TEP1: variants seen among roughly 807,000 people sequenced by gnomAD.
The protein encoded by TEP1 is telomerase associated protein 1.
TEP1 carries 241 observed loss-of-function variants against 306.3 expected under a neutral mutation model. The observed-to-expected ratio is 0.79, with a 90% CI of 0.71 to 0.88. TEP1 has a LOEUF of 0.88. Among genes scored for constraint, TEP1 ranks in the 40% least tolerant of loss-of-function variants. TEP1 has a pLI of 0.00. For missense variants in TEP1, 3,051 were observed against 3,276.1 expected (o/e 0.93, Z 1.68); for synonymous variants, 1,289 against 1,305.5 (o/e 0.99, Z 0.27).
rs28552679 is a variant in TEP1, at chr14:20,376,353, G to A, written c.6089-89C>T. 84 of 1,382,376 alleles carry A rather than the reference G, an allele frequency of 6.1e-5. No individual in the cohort carries two copies. In the African/African-American group the frequency reaches 1.1e-3, roughly 19 times the overall value. 85.6% of individuals were successfully genotyped at this position (1,382,376 alleles called of 1,614,324 possible). A position where few individuals can be genotyped will look rare whatever the true frequency, so the allele number is the denominator to read the frequency against. ...GCCAAAGACAGGAGCGGCCATGGGG[G>A]CTGAGGGTGACACCTGAGGCTCAGC... is the stretch of plus-strand genomic sequence containing the variant. On this transcript the variant is annotated intron_variant, in intron 41 of 54. Coordinates refer to ENST00000262715, the MANE Select transcript of TEP1 (RefSeq NM_007110.5).
At chr14:20,409,821 CCATCCTGGCTAA>C (rs1272940607) in intron 1 of TEP1, among the ~76,000 whole-genome samples, 1 of 151,818 alleles carries the variant, frequency 6.6e-6, no homozygotes, top group African/African-American at 2.4e-5. Flanking sequence ...GAGATCGAGA[CCATCCTGGCTAA>C]CACAGTGAAA....
At chr14:20,411,233 A>T (rs530483758) in intron 1 of TEP1, among the ~76,000 whole-genome samples, 1 of 152,258 alleles carries the variant, frequency 6.6e-6, no homozygotes, top group East Asian at 1.9e-4. Context: ...ACCTCCCAGC[A>T]TCATCTCTCA....
rs898263318 is a variant in TEP1 at position 20,389,805 on chromosome 14, T to C, written c.2335-65A>G. ...CTAGACAGCCCAGGACATTAAGATA[T>C]GAGCTTTCTGAGGACAGGAGGATTA... On this transcript the variant is annotated intron_variant, in intron 15 of 54. Coordinates refer to ENST00000262715, the MANE Select transcript of TEP1 (RefSeq NM_007110.5). The C allele has an allele frequency of 8.9e-5, 141 of 1,589,438 alleles. 1 individual carries two copies. In the South Asian group the frequency reaches 1.5e-3, roughly 17 times the overall value.
rs1884731224 is a variant in TEP1, at chr14:20,369,924, T to TTTTTC, written c.7318-146_7318-145insGAAAA. On this transcript the variant is annotated intron_variant, in intron 51 of 54. Coordinates refer to ENST00000262715, the MANE Select transcript of TEP1 (RefSeq NM_007110.5). ...GATACAATCAAGTGCGCAAATTTTT[T>TTTTTC]TTTTTTTGAGACGGAGTCTCACTCT... 12 of 626,230 alleles carry TTTTTC rather than the reference T, an allele frequency of 1.9e-5. 1 individual carries two copies. The highest frequency in any genetic ancestry group is 4.3e-4 in the Middle Eastern group (1 of 2,306). The allele number at this position is 626,230 out of a possible 1,614,324, so 38.8% of individuals were successfully genotyped here.
Position 20,369,530 on chromosome 14 carries a change from C to G in TEP1, c.7470G>C (p.Leu2490=), listed in dbSNP as rs765310231. The change falls in exon 53 of 55, where the codon CTG becomes CTC. Residue 2490 remains leucine, a synonymous_variant. Transcript: ENST00000262715. ...CASSDGILWN[L]AKCSPEGEWT... The stretch of plus-strand genomic sequence containing the variant: ...ATTCTCCTTCTGGGCTGCATTTGGC[C>G]AGGTTCCATAGGATCCCATCAGAGC... 6.2e-7 allele frequency: 1 copy of G among 1,614,078 alleles called. No individual in the cohort carries two copies. Among genetic ancestry groups the G allele is most frequent in the South Asian group, 1.1e-5 (1 of 91,078 alleles).
intron 49 of TEP1, among the ~76,000 whole-genome samples, chr14:20,371,868 T>C (rs114892169): frequency 0.012 from 1,854 of 152,278 alleles, 47 homozygotes; most frequent in African/African-American, 0.043. Flanking sequence ...CTTCCCTCTC[T>C]ACCTCCAACT....
At position 20,403,389 on chromosome 14, in the gene TEP1, T is replaced by C. The variant is rs779157374; in HGVS notation, c.1254A>G (p.Glu418=). Residue 418 remains glutamate (E), a synonymous_variant, in exon 7 of 55, where the codon GAA becomes GAG. Coordinates refer to ENST00000262715, the MANE Select transcript of TEP1 (RefSeq NM_007110.5). ...CFPRYIGFLR[E]EQRKFEKAGD... Reference sequence around the variant, plus strand: ...AGAAGGGACTCACCTTTCTCTGCTCTTCTCTGAGAAACCCTATGTACCTTG... The same window carrying C: ...AGAAGGGACTCACCTTTCTCTGCTCCTCTCTGAGAAACCCTATGTACCTTG... 1.2e-6 allele frequency: 2 copies of C among 1,614,178 alleles called. No homozygotes were observed. Among genetic ancestry groups the C allele is most frequent in the African/African-American group, 1.3e-5 (1 of 75,034 alleles).
rs760245245 is a variant in TEP1 at position 20,401,191 on chromosome 14, T to TAA, written c.1392-52_1392-51dup. On this transcript the variant is annotated intron_variant, in intron 8 of 54. Coordinates refer to ENST00000262715, the MANE Select transcript of TEP1 (RefSeq NM_007110.5). ...TATCATTTCAGAGTCAGCAAGAAAA[T>TAA]AACTCAGAAAAGGAAAGGTGAGTCA... 24 of 1,597,612 alleles carry TAA rather than the reference T, an allele frequency of 1.5e-5. No homozygotes were observed. In the East Asian group the frequency reaches 2.2e-4, roughly 15 times the overall value.
chr14:20,403,967 C>T, intron 5 of TEP1, 83 bp from the exon 6 acceptor site: 1 of 1,568,412 alleles, frequency 6.4e-7, no homozygotes, highest in Non-Finnish European at 8.7e-7. Context: ...CATGGAGATA[C>T]ACGAGAGCAC....
At chr14:20,403,674 C>A in intron 6 of TEP1, 49 bp downstream of exon 6, 1 of 1,611,440 alleles carries the variant, frequency 6.2e-7, no homozygotes, top group Non-Finnish European at 8.5e-7. Context: ...CTTGTCCTGC[C>A]CTTCCTGGAG....
In TEP1 at chr14:20,372,866, CACA is replaced by C. The variant is rs1566439825; in HGVS notation, c.6952-12_6952-10del. The C allele has an allele frequency of 1.2e-6, 2 of 1,614,162 alleles. No individual in the cohort carries two copies. The highest frequency in any genetic ancestry group is 1.7e-6 in the Non-Finnish European group (2 of 1,180,036). On this transcript the variant is annotated splice_polypyrimidine_tract_variant and intron_variant, in intron 48 of 54. Transcript: ENST00000262715. ...CCAATGTGGCCTGGAGCCTGGTGTA[CACA>C]ACAAGTTCAATTCAGTGCTTCTGAT...
Position 20,401,061 on chromosome 14 carries a change from T to G in TEP1, c.1472A>C (p.Lys491Thr). 6 of 1,614,204 alleles carry G rather than the reference T, an allele frequency of 3.7e-6. No individual in the cohort carries two copies. Among genetic ancestry groups the G allele is most frequent in the Non-Finnish European group, 5.1e-6 (6 of 1,180,038 alleles). Residue 491 changes from lysine (K) to threonine (T), a missense_variant, in exon 9 of 55, where the codon AAG becomes ACG. Physicochemically the swap from Lys to Thr is moderately conservative, Grantham distance 78. This residue lies in a region of TEP1 where 1,507 missense variants were observed against 1,550.5 expected (regional missense o/e 0.97). Transcript: ENST00000262715. ...CTCCCAGGTCTCTGGCCTAGACAGC[T>G]TCATCCTCTTCCCAGCTCTGCTAGA... ...WDSSRAGKRM[K>T]LSRPETWERE... is the part of the protein sequence containing the mutation.
intron 9 of TEP1, among the ~76,000 whole-genome samples, chr14:20,397,438 T>G (rs4981173): frequency 0.05 from 7,670 of 151,892 alleles, 195 homozygotes; most frequent in South Asian, 0.077. Context: ...GAAACCAAAA[T>G]GCGAAGGTTG....
At position 20,408,202 on chromosome 14, in the gene TEP1, G is replaced by C. The variant is rs1409993514; in HGVS notation, c.238C>G (p.Gln80Glu). The C allele has an allele frequency of 6.2e-7, 1 of 1,613,628 alleles. No homozygotes were observed. The highest frequency in any genetic ancestry group is 1.7e-5 in the Admixed American group (1 of 60,006). The change falls in exon 2 of 55, where the codon CAG becomes GAG. Residue 80 changes from glutamine to glutamate, a missense_variant. Physicochemically the swap from Gln to Glu is conservative, Grantham distance 29. This residue lies in a region of TEP1 where 1,507 missense variants were observed against 1,550.5 expected (regional missense o/e 0.97). Transcript: ENST00000262715. Reference sequence around the variant, plus strand: ...AGGTCAGAAAGTGTGGCCAGGCACTGGTTCTCCAAGGAGAGGATGTCTGGG... The same window carrying C: ...AGGTCAGAAAGTGTGGCCAGGCACTCGTTCTCCAAGGAGAGGATGTCTGGG... ...AHPDILSLEN[Q>E]CLATLSDLKT...
chr14:20,368,288 C>T lies in TEP1; in HGVS notation c.*149G>A, dbSNP rs1468641714. On this transcript the variant is annotated 3_prime_UTR_variant, in exon 55 of 55. Transcript: ENST00000262715. ...CTCCTGTTCTAAATCCACATGAGAA[C>T]ACAGGCAGGCCTACACTTGAGATTT... The T allele has an allele frequency of 5.9e-6, 5 of 840,628 alleles. No individual in the cohort carries two copies. In the African/African-American group the frequency reaches 6.8e-5, roughly 12 times the overall value. The allele number at this position is 840,628 out of a possible 1,614,324, so 52.1% of individuals were successfully genotyped here.
In TEP1 at chr14:20,378,147, C is replaced by T. The variant is rs1275674649; in HGVS notation, c.5598G>A (p.Val1866=). The T allele has an allele frequency of 1.2e-6, 2 of 1,613,844 alleles. No homozygotes were observed. The highest frequency in any genetic ancestry group is 4.5e-5 in the East Asian group (2 of 44,888). Residue 1866 remains valine (V), a synonymous_variant, in exon 39 of 55, where the codon GTG becomes GTA. Transcript: ENST00000262715. Reference sequence around the variant, plus strand: ...CCCCTTCTCGCCAGGCCCACAGCTCCACCATACTGTCCAGCCGGCCCACAG... The same window carrying T: ...CCCCTTCTCGCCAGGCCCACAGCTCTACCATACTGTCCAGCCGGCCCACAG... ...VVAVGRLDSM[V]ELWAWREGAR...
chr14:20,393,138 AC>A (rs1284165547), intron 12 of TEP1, among the ~76,000 whole-genome samples: 4 of 151,874 alleles, frequency 2.6e-5, no homozygotes, highest in African/African-American at 9.7e-5. Context: ...AATGGTGTGA[AC>A]CCAGGAGGTG....
rs373903999 is a variant in TEP1 at position 20,368,507 on chromosome 14, C to T, written c.7814G>A (p.Gly2605Asp). 125 of 1,614,132 alleles carry T rather than the reference C, an allele frequency of 7.7e-5. No homozygotes were observed. The highest frequency in any genetic ancestry group is 1.0e-4 in the Non-Finnish European group (119 of 1,180,036). Residue 2605 changes from glycine (G) to aspartate (D), a missense_variant, in exon 55 of 55, where the codon GGC becomes GAC. Physicochemically the swap from Gly to Asp is moderately conservative, Grantham distance 94. Transcript: ENST00000262715. ...GGCAAGCTGCAGGGTGGAGTTAGCG[C>T]CCAGCCAAGGTTCCAGGCAGCTCAC... ...GSVSCLEPWL[G>D]ANSTLQLAVG...
rs1879103618 is a variant in TEP1, at chr14:20,405,441, A to T, written c.870+10T>A. The T allele has an allele frequency of 1.2e-6, 2 of 1,613,112 alleles. No homozygotes were observed. The stretch of plus-strand genomic sequence containing the variant: ...TTCACACCCCCATCCCCTCCTTCAC[A>T]CCTCAATACCTTGAGGATAAACTCA... On this transcript the variant is annotated intron_variant, in intron 4 of 54. Coordinates refer to ENST00000262715, the MANE Select transcript of TEP1 (RefSeq NM_007110.5).
Sources: allele counts gnomAD v4.1 joint callset (sites outside exome capture counted in the v4.1 genomes callset), GRCh38; gene constraint gnomAD v4.1.1; regional missense constraint gnomAD v4.1.1; transcripts MANE v1.5; gene names NCBI Gene and HGNC (gene_info 2026-07-23, HGNC 2026-07-21).